Variants in GLIS3 observed in about 807,000 individuals in gnomAD.
GLIS3 encodes zinc finger protein GLIS3.
GLIS3 carries 53 observed loss-of-function variants against 78.6 expected under a neutral mutation model. The observed-to-expected ratio is 0.67, with a 90% CI of 0.54 to 0.85. GLIS3 has a LOEUF of 0.85. GLIS3 is among the 40% of genes least tolerant of loss of function. The probability of loss-of-function intolerance (pLI) is 0.00; values close to 1 mark genes in which losing one functional copy is unlikely to be tolerated. For synonymous variants in GLIS3, 684 were observed against 509.9 expected (o/e 1.34, Z -4.60); for missense variants, 1,703 against 1,231.1 (o/e 1.38, Z -5.74).
At chr9:3,860,916 ACAGG>A (rs1337465387) in intron 8 of GLIS3, among the ~76,000 whole-genome samples, 2 of 152,170 alleles carry the variant, frequency 1.3e-5, no homozygotes, top group African/African-American at 2.4e-5. Context: ...GTAAGGGGAG[ACAGG>A]CAGTGAAGAA....
chr9:3,921,022 C>T (rs1434509548), intron 6 of GLIS3, among the ~76,000 whole-genome samples: 1 of 152,184 alleles, frequency 6.6e-6, no homozygotes, highest in African/African-American at 2.4e-5. Context: ...ACTTAAAGAT[C>T]TTGCATCACA....
intron 7 of GLIS3, among the ~76,000 whole-genome samples, chr9:3,885,950 A>G (rs1822045339): frequency 6.6e-6 from 1 of 152,220 alleles, no homozygotes; most frequent in African/African-American, 2.4e-5. Context: ...AAGTTTCTTC[A>G]TCTTAAATAA....
rs367756392 is a variant in GLIS3 at position 3,996,169 on chromosome 9, C to G, written c.1711-58980G>C. On this transcript the variant is annotated intron_variant, in intron 4 of 10. Transcript: ENST00000381971. Reference sequence around the variant, plus strand: ...CAAAATTGCATGCAATTTACACATACCTTTCAAGAGCAAGAATGAAATAAA... The same window carrying G: ...CAAAATTGCATGCAATTTACACATAGCTTTCAAGAGCAAGAATGAAATAAA... Among the ~76,000 whole-genome samples the G allele has an allele frequency of 2.6e-5, 4 of 152,202 alleles. No homozygotes were observed. The South Asian group carries it at 8.3e-4, about 32-fold the overall frequency.
intron 2 of GLIS3, among the ~76,000 whole-genome samples, chr9:4,334,013 C>T (rs1277798356): frequency 6.6e-6 from 1 of 152,110 alleles, no homozygotes; most frequent in Non-Finnish European, 1.5e-5. Context: ...AGCTTAAGTG[C>T]TTAGAAACAA....
At chr9:3,969,318 A>G (rs1364399737) in intron 4 of GLIS3, among the ~76,000 whole-genome samples, 1 of 152,226 alleles carries the variant, frequency 6.6e-6, no homozygotes, top group Non-Finnish European at 1.5e-5. Context: ...ACATTAGGTT[A>G]GAAATGCAGA....
At chr9:4,101,430 A>G (rs954335987) in intron 4 of GLIS3, among the ~76,000 whole-genome samples, 2 of 152,152 alleles carry the variant, frequency 1.3e-5, no homozygotes, top group Admixed American at 1.3e-4. Context: ...GCATAGTGGG[A>G]TATTTATTAT....
intron 2 of GLIS3, among the ~76,000 whole-genome samples, chr9:4,204,921 AAG>A (rs1554619373): frequency 6.6e-5 from 10 of 150,834 alleles, no homozygotes; most frequent in South Asian, 6.4e-4. Context: ...CTCAAAAAAA[AAG>A]AAGGAGTCAG....
intron 1 of GLIS3, among the ~76,000 whole-genome samples, chr9:4,289,207 A>G (rs1012220185): frequency 2.0e-5 from 3 of 152,202 alleles, no homozygotes; most frequent in African/African-American, 7.2e-5. Flanking sequence ...TCATCCATAA[A>G]AAGTTCAGGA....
At chr9:4,300,789 A>AGAAG (rs1431916777), upstream of GLIS3, among the ~76,000 whole-genome samples, 1 of 151,960 alleles carries the variant, frequency 6.6e-6, no homozygotes, top group African/African-American at 2.4e-5. Flanking sequence ...GTCTGCTCCT[A>AGAAG]GTAGTTCATC....
intron 8 of GLIS3, among the ~76,000 whole-genome samples, chr9:3,870,843 A>T (rs1820926389): frequency 6.6e-6 from 1 of 152,202 alleles, no homozygotes; most frequent in Admixed American, 6.5e-5. Context: ...ACATTTCAAA[A>T]CCAATCATGC....
In GLIS3 at chr9:3,965,188, C is replaced by CTTTTTTTTTTTTTTTTTTTTTTTTTT. The variant is rs750454441; in HGVS notation, c.1711-28000_1711-27999insAAAAAAAAAAAAAAAAAAAAAAAAAA. Among the ~76,000 whole-genome samples the CTTTTTTTTTTTTTTTTTTTTTTTTTT allele has an allele frequency of 2.6e-4, 26 of 98,992 alleles. 2 individuals are homozygous for CTTTTTTTTTTTTTTTTTTTTTTTTTT. The highest frequency in any genetic ancestry group is 8.4e-4 in the South Asian group (3 of 3,562). The allele number at this position is 98,992 out of a possible 152,430, so 64.9% of individuals were successfully genotyped here. On this transcript the variant is annotated intron_variant, in intron 4 of 10. Coordinates refer to ENST00000381971, the MANE Select transcript of GLIS3 (RefSeq NM_001042413.2). ...TACTTCTTTTCTATTTCTTTCTTTTCTTTTCTTTTTTTTTTTTTTTTTTTG... is the reference window on the plus strand; with the variant it reads ...TACTTCTTTTCTATTTCTTTCTTTTCTTTTTTTTTTTTTTTTTTTTTTTTTTTTTTCTTTTTTTTTTTTTTTTTTTG...
At chr9:4,438,701 TG>T in the GLIS3 span, among the ~76,000 whole-genome samples, 1 of 152,202 alleles carries the variant, frequency 6.6e-6, no homozygotes, top group Admixed American at 6.5e-5. Flanking sequence ...GCTGTTCTCA[TG>T]GTAGTGAATA....
At chr9:4,412,234 T>C in the GLIS3 span, among the ~76,000 whole-genome samples, 2 of 152,206 alleles carry the variant, frequency 1.3e-5, no homozygotes, top group Admixed American at 6.5e-5. Context: ...AATGCTGTAA[T>C]ATGAAATTAA....
At chr9:4,020,262 G>C (rs188499895) in intron 4 of GLIS3, among the ~76,000 whole-genome samples, 50 of 152,274 alleles carry the variant, frequency 3.3e-4, no homozygotes, top group Non-Finnish European at 5.4e-4. Context: ...GCTGTAAAAG[G>C]GGAGGGTAAC....
At chr9:4,238,326 G>A (rs961195598) in intron 2 of GLIS3, among the ~76,000 whole-genome samples, 2 of 152,094 alleles carry the variant, frequency 1.3e-5, no homozygotes, top group African/African-American at 4.8e-5. Context: ...CAGAAGGAGA[G>A]GGAATTGTTG....
intron 6 of GLIS3, among the ~76,000 whole-genome samples, chr9:3,921,351 G>A (rs1478930941): frequency 6.6e-6 from 1 of 152,154 alleles, no homozygotes; most frequent in Non-Finnish European, 1.5e-5. Flanking sequence ...TCACACAATC[G>A]CCCTGTGGAG....
intron 9 of GLIS3, among the ~76,000 whole-genome samples, chr9:3,844,661 A>C (rs1024197980): frequency 8.5e-5 from 13 of 152,234 alleles, no homozygotes; most frequent in African/African-American, 2.7e-4. Flanking sequence ...TCTGAGTTCC[A>C]ATCAGGAAAA....
At chr9:3,953,763 C>CA (rs377114853) in intron 4 of GLIS3, among the ~76,000 whole-genome samples, 1,446 of 119,636 alleles carry the variant, frequency 0.012, 31 homozygotes, top group African/African-American at 0.044. Context: ...TAGATTTGCT[C>CA]TCTCTCTCTC....
chr9:4,289,302 C>T (rs1028528385), intron 1 of GLIS3, among the ~76,000 whole-genome samples: 4 of 152,048 alleles, frequency 2.6e-5, no homozygotes, highest in South Asian at 2.1e-4. Context: ...CACCCATTTG[C>T]TATAATCAAG....
Sources: allele counts gnomAD v4.1 joint callset (sites outside exome capture counted in the v4.1 genomes callset), GRCh38; gene constraint gnomAD v4.1.1; transcripts MANE v1.5; gene names NCBI Gene and HGNC (gene_info 2026-07-23, HGNC 2026-07-21).